The following ROR1 variants were observed in gnomAD, a reference collection of about 807,000 sequenced individuals.
ROR1 encodes the protein inactive tyrosine-protein kinase transmembrane receptor ROR1.
A neutral mutation model predicts 78.8 loss-of-function variants in ROR1; 19 were observed. The ratio of observed to expected loss-of-function variants is 0.24; its 90% confidence interval spans 0.17 to 0.35. The LOEUF (loss-of-function observed/expected upper bound fraction) is 0.35, where lower values mean the gene tolerates loss of function less well. Ranked by LOEUF, ROR1 falls within the 10% of genes least tolerant of loss-of-function variation. ROR1 has a pLI of 1.00. For missense variants in ROR1, 917 were observed against 1,177.8 expected, an observed-to-expected ratio of 0.78 and a Z score of 3.24; for synonymous variants, 386 against 433.6, an observed-to-expected ratio of 0.89 and a Z score of 1.36.
At chr1:63,843,091 T>C (rs1569803800) in intron 1 of ROR1, 1 of 540,756 alleles carries the variant, frequency 1.8e-6, no homozygotes, top group South Asian at 2.1e-5. Context: ...CCTGCTGGGA[T>C]CCCCCCAGCC....
chr1:63,785,514 T>C (rs1184280471), intron 1 of ROR1, among the ~76,000 whole-genome samples: 1 of 149,902 alleles, frequency 6.7e-6, no homozygotes, highest in Non-Finnish European at 1.5e-5. Flanking sequence ...TATTTATTTA[T>C]TTATTTATTT....
intron 2 of ROR1, among the ~76,000 whole-genome samples, chr1:64,048,337 T>C (rs1397114423): frequency 6.6e-6 from 1 of 152,210 alleles, no homozygotes; most frequent in Non-Finnish European, 1.5e-5. Context: ...GTGCAGATTA[T>C]AGAACATTTC....
intron 4 of ROR1, among the ~76,000 whole-genome samples, chr1:64,061,493 T>G (rs1014970044): frequency 2.0e-5 from 3 of 152,226 alleles, no homozygotes; most frequent in Non-Finnish European, 4.4e-5. Context: ...TTTAAAGCAG[T>G]GCTTCTCAAG....
intron 1 of ROR1, among the ~76,000 whole-genome samples, chr1:63,969,404 C>T: frequency 6.6e-6 from 1 of 152,170 alleles, no homozygotes; most frequent in East Asian, 1.9e-4. Flanking sequence ...GCAGATACTG[C>T]TTACTGAGGA....
At chr1:63,836,566 G>A (rs1046923059) in intron 1 of ROR1, among the ~76,000 whole-genome samples, 4 of 152,172 alleles carry the variant, frequency 2.6e-5, no homozygotes, top group African/African-American at 9.7e-5. Flanking sequence ...CTAAAGTCCA[G>A]AGGTTATAAA....
At chr1:63,977,925 C>T (rs1646174867) in intron 1 of ROR1, among the ~76,000 whole-genome samples, 1 of 152,116 alleles carries the variant, frequency 6.6e-6, no homozygotes, top group Non-Finnish European at 1.5e-5. Context: ...TTTATAAGAG[C>T]ACTTAAGTTC....
At chr1:63,832,503 G>C (rs1396565028) in intron 1 of ROR1, among the ~76,000 whole-genome samples, 1 of 152,162 alleles carries the variant, frequency 6.6e-6, no homozygotes, top group Non-Finnish European at 1.5e-5. Context: ...TTCGAGATGA[G>C]ATTTGGGTGG....
chr1:64,095,087 T>C (rs1453808455), intron 4 of ROR1: 1 of 152,186 alleles, frequency 6.6e-6, no homozygotes, highest in South Asian at 2.1e-4. Flanking sequence ...TCCAGTCCTC[T>C]TTGTTTATAC....
chr1:64,057,788 CT>C (rs2100601273), intron 4 of ROR1, among the ~76,000 whole-genome samples: 1 of 152,234 alleles, frequency 6.6e-6, no homozygotes, highest in South Asian at 2.1e-4. Context: ...CTATATTGTT[CT>C]TTTTCAAGAC....
chr1:64,156,656 G>A (rs1020806687), intron 7 of ROR1, among the ~76,000 whole-genome samples: 2 of 143,324 alleles, frequency 1.4e-5, no homozygotes, highest in South Asian at 2.2e-4. Flanking sequence ...GCAGTGAGCC[G>A]AGATCGCACC....
chr1:63,805,563 G>A (rs1169259617), intron 1 of ROR1, among the ~76,000 whole-genome samples: 1 of 152,212 alleles, frequency 6.6e-6, no homozygotes, highest in Non-Finnish European at 1.5e-5. Flanking sequence ...AAGAGGGGAA[G>A]ATGCAGAACT....
chr1:63,791,681 G>C (rs1644727846), intron 1 of ROR1, among the ~76,000 whole-genome samples: 1 of 152,070 alleles, frequency 6.6e-6, no homozygotes, highest in African/African-American at 2.4e-5. Context: ...CCTAGCATCT[G>C]TCTTCCCAGA....
chr1:64,172,716 T>C (rs538522374), intron 8 of ROR1, among the ~76,000 whole-genome samples: 1 of 152,320 alleles, frequency 6.6e-6, no homozygotes, highest in Admixed American at 6.5e-5. Flanking sequence ...ACTAAACAGA[T>C]TTATAACCCC....
At chr1:64,010,639 T>C (rs1353387221) in intron 2 of ROR1, among the ~76,000 whole-genome samples, 1 of 152,202 alleles carries the variant, frequency 6.6e-6, no homozygotes, top group East Asian at 1.9e-4. Context: ...TCTACTGACA[T>C]AGTTTGGTTG....
chr1:64,061,825 A>C (rs754651570), intron 4 of ROR1, among the ~76,000 whole-genome samples: 1 of 152,122 alleles, frequency 6.6e-6, no homozygotes, highest in Non-Finnish European at 1.5e-5. Flanking sequence ...ACATTTGATG[A>C]CTAACTGAAA....
chr1:63,829,175 G>T (rs2100296298), intron 1 of ROR1, among the ~76,000 whole-genome samples: 1 of 152,304 alleles, frequency 6.6e-6, no homozygotes, highest in East Asian at 1.9e-4. Flanking sequence ...TAATGCATTT[G>T]CTCCCTTGGA....
At chr1:63,790,621 T>C (rs893335865) in intron 1 of ROR1, among the ~76,000 whole-genome samples, 2 of 152,182 alleles carry the variant, frequency 1.3e-5, no homozygotes, top group Non-Finnish European at 2.9e-5. Context: ...GTGGACTGTG[T>C]TTGAGAGAAG....
intron 1 of ROR1, among the ~76,000 whole-genome samples, chr1:63,946,473 G>A (rs1029232368): frequency 1.3e-5 from 2 of 152,128 alleles, no homozygotes; most frequent in African/African-American, 4.8e-5. Flanking sequence ...TTTTTGTGGT[G>A]TACAACATAT....
chr1:64,059,602 AG>A (rs1205164978), intron 4 of ROR1, among the ~76,000 whole-genome samples: 10 of 151,636 alleles, frequency 6.6e-5, no homozygotes, highest in African/African-American at 2.4e-4. Context: ...CCAGCTACTC[AG>A]GAGGCTGAGG....
Sources: allele counts gnomAD v4.1 joint callset (sites outside exome capture counted in the v4.1 genomes callset), GRCh38; gene constraint gnomAD v4.1.1; transcripts MANE v1.5; gene names NCBI Gene and HGNC (gene_info 2026-07-23, HGNC 2026-07-21).